Variants in NEDD4L observed in about 807,000 individuals in gnomAD.
NEDD4L encodes E3 ubiquitin-protein ligase NEDD4-like.
Under a neutral mutation model 148.9 loss-of-function variants are expected in NEDD4L, and 54 were observed. That is an observed-to-expected ratio of 0.36 (90% confidence interval 0.29 to 0.45). NEDD4L has a LOEUF of 0.45. Among genes scored for constraint, NEDD4L ranks in the 20% least tolerant of loss-of-function variants. The pLI is 1.00. For synonymous variants in NEDD4L, 433 were observed against 440.7 expected, an observed-to-expected ratio of 0.98 and a Z score of 0.22; for missense variants, 856 against 1,233.8, an observed-to-expected ratio of 0.69 and a Z score of 4.59.
At chr18:58,217,858 TA>T (rs564532820) in intron 2 of NEDD4L, among the ~76,000 whole-genome samples, 2 of 152,352 alleles carry the variant, frequency 1.3e-5, no homozygotes, top group Admixed American at 1.3e-4. Context: ...TGATATTTTT[TA>T]GAATGATGCT....
At chr18:58,315,928 G>A (rs2058209179) in intron 5 of NEDD4L, 54 bp from the exon 6 acceptor site, 1 of 1,418,190 alleles carries the variant, frequency 7.1e-7, no homozygotes, top group African/African-American at 1.4e-5. Context: ...TTTAGGAAAT[G>A]CTGACGCTCA....
chr18:58,059,388 A>G (rs1184765474), intron 1 of NEDD4L, among the ~76,000 whole-genome samples: 2 of 151,950 alleles, frequency 1.3e-5, no homozygotes, highest in African/African-American at 4.9e-5. Flanking sequence ...GCTTTATACC[A>G]TATTTCCCCC....
intron 2 of NEDD4L, among the ~76,000 whole-genome samples, chr18:58,195,004 T>C (rs2040502535): frequency 6.6e-6 from 1 of 152,236 alleles, no homozygotes; most frequent in Non-Finnish European, 1.5e-5. Context: ...GATCCAAAGC[T>C]AGTTTTGGCT....
At position 58,149,741 on chromosome 18, in the gene NEDD4L, C is replaced by A. The variant is rs146971159; in HGVS notation, c.49-16047C>A. On this transcript the variant is annotated intron_variant, in intron 1 of 30. Transcript: ENST00000400345. ...TCTTTCTTGAAGGATTTTGTTCAAA[C>A]CTCAGGGTTTATTTAGGAACAAGTC... Among the ~76,000 whole-genome samples the A allele has an allele frequency of 3.8e-3, 577 of 152,270 alleles. 2 individuals carry two copies. The highest frequency in any genetic ancestry group is 0.013 in the African/African-American group (523 of 41,554).
At chr18:58,360,850 C>G (rs1291312333) in intron 19 of NEDD4L, among the ~76,000 whole-genome samples, 3 of 151,788 alleles carry the variant, frequency 2.0e-5, no homozygotes, top group Non-Finnish European at 4.4e-5. Flanking sequence ...AAGTCCTGAC[C>G]TGTATTTACT....
chr18:58,284,851 T>C (rs1397516197), intron 5 of NEDD4L, among the ~76,000 whole-genome samples: 1 of 152,192 alleles, frequency 6.6e-6, no homozygotes, highest in Non-Finnish European at 1.5e-5. Flanking sequence ...CACAGGGCTA[T>C]GTGGAAAGCG....
rs115392140 is a variant in NEDD4L, at chr18:58,085,248, A to G, written c.48+40540A>G. Among the ~76,000 whole-genome samples, 488 of 152,262 alleles carry G rather than the reference A, an allele frequency of 3.2e-3. 1 individual carries two copies. Among genetic ancestry groups the G allele is most frequent in the Middle Eastern group, 0.01 (3 of 294 alleles). ...TGGGAGTGAGGACTGATATGAGTGGAGATGCATCGGTAAAGATGCGCGGAC... is the reference window on the plus strand; with the variant it reads ...TGGGAGTGAGGACTGATATGAGTGGGGATGCATCGGTAAAGATGCGCGGAC... On this transcript the variant is annotated intron_variant, in intron 1 of 30. Coordinates refer to ENST00000400345, the MANE Select transcript of NEDD4L (RefSeq NM_001144967.3).
chr18:58,291,120 C>T (rs1352977386), intron 5 of NEDD4L, among the ~76,000 whole-genome samples: 4 of 151,024 alleles, frequency 2.6e-5, no homozygotes, highest in South Asian at 2.1e-4. Context: ...GCCGACCGAC[C>T]CACGTGGTCA....
chr18:58,128,389 A>C (rs2031515098), intron 1 of NEDD4L, among the ~76,000 whole-genome samples: 1 of 152,150 alleles, frequency 6.6e-6, no homozygotes, highest in South Asian at 2.1e-4. Flanking sequence ...TAATAGGTCA[A>C]AGAACCCTCC....
At chr18:58,172,593 G>T (rs1305490955) in intron 2 of NEDD4L, among the ~76,000 whole-genome samples, 2 of 152,212 alleles carry the variant, frequency 1.3e-5, no homozygotes, top group African/African-American at 4.8e-5. Flanking sequence ...TTAGTAAGTT[G>T]TAGAGCTAGG....
intron 1 of NEDD4L, among the ~76,000 whole-genome samples, chr18:58,095,451 G>T (rs1320030382): frequency 7.8e-6 from 1 of 128,966 alleles, no homozygotes; most frequent in Non-Finnish European, 1.6e-5. Flanking sequence ...CTCCCACCGC[G>T]TGGGGAGTAA....
At chr18:58,120,236 T>C (rs534199738) in intron 1 of NEDD4L, among the ~76,000 whole-genome samples, 1 of 152,014 alleles carries the variant, frequency 6.6e-6, no homozygotes, top group South Asian at 2.1e-4. Flanking sequence ...GGGGGTGAAA[T>C]GAAACACACC....
At chr18:58,205,042 G>C (rs2041839477) in intron 2 of NEDD4L, among the ~76,000 whole-genome samples, 1 of 152,246 alleles carries the variant, frequency 6.6e-6, no homozygotes, top group Non-Finnish European at 1.5e-5. Flanking sequence ...TTTGGGTTGA[G>C]AGTTCAACCC....
At chr18:58,196,540 A>G (rs986157434) in intron 2 of NEDD4L, among the ~76,000 whole-genome samples, 2 of 152,168 alleles carry the variant, frequency 1.3e-5, no homozygotes, top group African/African-American at 4.8e-5. Flanking sequence ...ACAAACTGTT[A>G]TTCCCTTTAA....
At chr18:58,292,507 G>T (rs2054911463) in intron 5 of NEDD4L, among the ~76,000 whole-genome samples, 2 of 152,032 alleles carry the variant, frequency 1.3e-5, no homozygotes, top group Admixed American at 6.5e-5. Flanking sequence ...TCCCTGGGCT[G>T]CCCCCACCCT....
chr18:58,214,576 G>T (rs1046559231), intron 2 of NEDD4L, among the ~76,000 whole-genome samples: 25 of 141,166 alleles, frequency 1.8e-4, no homozygotes, highest in Non-Finnish European at 7.6e-5. Context: ...CTGTCATATA[G>T]TAAGGATTCC....
At chr18:58,086,805 A>G (rs1256049943) in intron 1 of NEDD4L, among the ~76,000 whole-genome samples, 1 of 152,268 alleles carries the variant, frequency 6.6e-6, no homozygotes, top group East Asian at 1.9e-4. Context: ...CTCCAAATTT[A>G]GCATATGAAA....
At chr18:58,198,010 C>T (rs2147331316) in intron 2 of NEDD4L, 1 of 152,484 alleles carries the variant, frequency 6.6e-6, no homozygotes, top group Middle Eastern at 3.4e-3. Context: ...CACCAACCTG[C>T]CTTCTTCACC....
At chr18:58,362,592 C>T (rs945591945) in intron 19 of NEDD4L, among the ~76,000 whole-genome samples, 4 of 152,154 alleles carry the variant, frequency 2.6e-5, no homozygotes, top group Non-Finnish European at 4.4e-5. Context: ...GGCACTACCA[C>T]GGTTTATTCA....
Sources: allele counts gnomAD v4.1 joint callset (sites outside exome capture counted in the v4.1 genomes callset), GRCh38; gene constraint gnomAD v4.1.1; transcripts MANE v1.5; gene names NCBI Gene and HGNC (gene_info 2026-07-23, HGNC 2026-07-21).